Variants in MAF observed in about 807,000 individuals in gnomAD.
MAF encodes the protein transcription factor Maf.
MAF carries 10 observed loss-of-function variants against 22.0 expected under a neutral mutation model. The observed-to-expected ratio is 0.45, with a 90% CI of 0.28 to 0.77. The LOEUF (loss-of-function observed/expected upper bound fraction) is 0.77, where lower values mean the gene tolerates loss of function less well. Among genes scored for constraint, MAF ranks in the 30% least tolerant of loss-of-function variants. The probability of loss-of-function intolerance (pLI) is 0.12; values close to 1 mark genes in which losing one functional copy is unlikely to be tolerated. For synonymous variants in MAF, 337 were observed against 255.8 expected (o/e 1.32, Z -3.03); for missense variants, 544 against 548.4 (o/e 0.99, Z 0.08).
chr16:79,514,324 T>G, the MAF span, among the ~76,000 whole-genome samples: 1 of 152,220 alleles, frequency 6.6e-6, no homozygotes, highest in Admixed American at 6.5e-5. Flanking sequence ...ATTGCTGGGT[T>G]TTTGTCTTTT....
the MAF span, among the ~76,000 whole-genome samples, chr16:79,561,712 A>G: frequency 6.6e-6 from 1 of 152,176 alleles, no homozygotes; most frequent in East Asian, 1.9e-4. Flanking sequence ...GAGGAGAAGA[A>G]GAAAAAATGG....
chr16:79,224,147 A>G, the MAF span, among the ~76,000 whole-genome samples: 3 of 152,246 alleles, frequency 2.0e-5, no homozygotes, highest in African/African-American at 7.2e-5. Context: ...CAGCACATCA[A>G]AAAGCTTATG....
At chr16:79,537,853 T>C in the MAF span, among the ~76,000 whole-genome samples, 1 of 152,202 alleles carries the variant, frequency 6.6e-6, no homozygotes, top group Non-Finnish European at 1.5e-5. Flanking sequence ...ATTGAGCACC[T>C]TCTATATTTC....
chr16:79,590,774 T>C (rs1913146722), downstream of MAF, among the ~76,000 whole-genome samples: 1 of 152,020 alleles, frequency 6.6e-6, no homozygotes, highest in South Asian at 2.1e-4. Flanking sequence ...GGTTGGCCTG[T>C]GTTAAAGTCT....
the MAF span, among the ~76,000 whole-genome samples, chr16:79,565,690 G>A: frequency 2.6e-5 from 4 of 152,122 alleles, no homozygotes; most frequent in Admixed American, 6.5e-5. Context: ...GTTTCCTGAC[G>A]CCTCTCCAGC....
chr16:79,548,875 CT>C, the MAF span, among the ~76,000 whole-genome samples: 1 of 152,170 alleles, frequency 6.6e-6, no homozygotes, highest in African/African-American at 2.4e-5. Flanking sequence ...CTTGCCTCTG[CT>C]CCTTAAGCCT....
the MAF span, among the ~76,000 whole-genome samples, chr16:79,568,732 G>C: frequency 6.6e-6 from 1 of 152,106 alleles, no homozygotes; most frequent in African/African-American, 2.4e-5. Context: ...CCTTTTAGTG[G>C]ACCTACAAAT....
the MAF span, among the ~76,000 whole-genome samples, chr16:79,551,962 T>C: frequency 6.6e-6 from 1 of 152,196 alleles, no homozygotes; most frequent in Middle Eastern, 3.4e-3. Context: ...GCCTCCTGCT[T>C]CGACACAGCT....
chr16:79,445,043 A>AT, the MAF span, among the ~76,000 whole-genome samples: 7 of 151,610 alleles, frequency 4.6e-5, no homozygotes, highest in South Asian at 4.2e-4. Flanking sequence ...TTATTTATTT[A>AT]TTTTTTTTGA....
chr16:79,419,765 T>C, the MAF span, among the ~76,000 whole-genome samples: 1,583 of 152,294 alleles, frequency 0.01, 14 homozygotes, highest in Middle Eastern at 0.048. Context: ...CATCTTTGTA[T>C]ACCTAATCAA....
chr16:79,257,882 A>T, the MAF span, among the ~76,000 whole-genome samples: 1 of 152,320 alleles, frequency 6.6e-6, no homozygotes, highest in Admixed American at 6.5e-5. Context: ...AGAGATGTGT[A>T]TAACAGTGGC....
the MAF span, among the ~76,000 whole-genome samples, chr16:79,374,271 C>G: frequency 6.6e-6 from 1 of 152,150 alleles, no homozygotes; most frequent in South Asian, 2.1e-4. Flanking sequence ...TGCCATTTTC[C>G]TCTCCGTTGC....
the MAF span, among the ~76,000 whole-genome samples, chr16:79,354,350 G>C: frequency 2.0e-5 from 3 of 152,170 alleles, no homozygotes; most frequent in African/African-American, 7.2e-5. Flanking sequence ...GAACACACGA[G>C]ATGGTGAGGA....
the MAF span, among the ~76,000 whole-genome samples, chr16:79,332,935 T>G: frequency 6.6e-6 from 1 of 152,224 alleles, no homozygotes; most frequent in Non-Finnish European, 1.5e-5. Flanking sequence ...CTGCTGACTT[T>G]AAAGTCCATG....
chr16:79,207,224 CAG>C, the MAF span, among the ~76,000 whole-genome samples: 1 of 152,348 alleles, frequency 6.6e-6, no homozygotes, highest in African/African-American at 2.4e-5. Context: ...GGTGTATTCA[CAG>C]AGTCAATGGA....
In MAF at chr16:79,600,677, C is replaced by CA. The variant is rs1913994454; in HGVS notation, c.-776dup. 5 of 196,222 alleles carry CA rather than the reference C, an allele frequency of 2.5e-5. No homozygotes were observed. In the South Asian group the frequency reaches 9.9e-4, roughly 39 times the overall value. The allele number at this position is 196,222 out of a possible 1,614,324, so 12.2% of individuals were successfully genotyped here. The stretch of plus-strand genomic sequence containing the variant: ...AGGGGGGAGGGGGAGGCCAAGCCGA[C>CA]AAGCAGCCCGAGCTACAGCTAGAAG... On this transcript the variant is annotated 5_prime_UTR_variant, in exon 1 of 2. Coordinates refer to ENST00000326043, the MANE Select transcript of MAF (RefSeq NM_005360.5).
the MAF span, among the ~76,000 whole-genome samples, chr16:79,506,954 C>T: frequency 8.5e-5 from 13 of 152,252 alleles, 1 homozygote; most frequent in South Asian, 4.1e-4. Context: ...ATAGGAACTC[C>T]TGGGTACTTT....
chr16:79,212,146 C>A, the MAF span: 10 of 1,516,462 alleles, frequency 6.6e-6, no homozygotes, highest in South Asian at 1.2e-5. Context: ...GTCCCCTCGT[C>A]CCATCCAGCT....
chr16:79,238,614 A>T, the MAF span, among the ~76,000 whole-genome samples: 1 of 152,054 alleles, frequency 6.6e-6, no homozygotes, highest in Admixed American at 6.6e-5. Context: ...TGGAAATGGG[A>T]ATGAGGTTGC....
Sources: allele counts gnomAD v4.1 joint callset (sites outside exome capture counted in the v4.1 genomes callset), GRCh38; gene constraint gnomAD v4.1.1; transcripts MANE v1.5; gene names NCBI Gene and HGNC (gene_info 2026-07-23, HGNC 2026-07-21).